Variants in MAF observed in about 807,000 individuals in gnomAD.
MAF encodes the protein MAF bZIP transcription factor.
Under a neutral mutation model 22.0 loss-of-function variants are expected in MAF, and 10 were observed. The observed-to-expected ratio is 0.45, with a 90% CI of 0.28 to 0.77. The LOEUF is 0.77. Ranked by LOEUF, MAF falls within the 30% of genes least tolerant of loss-of-function variation. MAF has a pLI of 0.12. For synonymous variants in MAF, 337 were observed against 255.8 expected (o/e 1.32, Z -3.03); for missense variants, 544 against 548.4 (o/e 0.99, Z 0.08).
At chr16:79,221,711 GTGTA>G in the MAF span, among the ~76,000 whole-genome samples, 2 of 151,896 alleles carry the variant, frequency 1.3e-5, no homozygotes, top group Non-Finnish European at 2.9e-5. Flanking sequence ...GTATGTGATT[GTGTA>G]TGTGTGTGTG....
chr16:79,254,812 C>G, the MAF span, among the ~76,000 whole-genome samples: 25,677 of 152,144 alleles, frequency 0.17, 4,013 homozygotes, highest in African/African-American at 0.41. Flanking sequence ...TACGCACCAA[C>G]CTTTTGTTTC....
At chr16:79,574,625 G>C in the MAF span, among the ~76,000 whole-genome samples, 1 of 152,116 alleles carries the variant, frequency 6.6e-6, no homozygotes, top group Non-Finnish European at 1.5e-5. Flanking sequence ...AAAGAGAAGA[G>C]TGAGACTCAG....
At chr16:79,308,475 T>C in the MAF span, among the ~76,000 whole-genome samples, 4 of 151,650 alleles carry the variant, frequency 2.6e-5, no homozygotes, top group Admixed American at 2.0e-4. Flanking sequence ...AAAATGGGGG[T>C]GAAAAGGTAT....
At chr16:79,233,932 C>G in the MAF span, among the ~76,000 whole-genome samples, 5 of 148,180 alleles carry the variant, frequency 3.4e-5, no homozygotes, top group Non-Finnish European at 7.4e-5. Context: ...GCGGAGGTTG[C>G]GGTGAGCCGA....
At position 79,593,843 on chromosome 16, in the gene MAF, T is replaced by A. The variant is rs1913332145; in HGVS notation, c.*617A>T. On this transcript the variant is annotated 3_prime_UTR_variant, in exon 2 of 2. Transcript: ENST00000326043. ...AAAAAATCACACAGAGGGTGTGTAT[T>A]TAACTAACTTTGTATTTTGCCACAC... is the stretch of plus-strand genomic sequence containing the variant. 1 of 181,886 alleles carries A rather than the reference T, an allele frequency of 5.5e-6. No homozygotes were observed. The highest frequency in any genetic ancestry group is 1.2e-5 in the Non-Finnish European group (1 of 85,352). The allele number at this position is 181,886 out of a possible 1,614,324, so 11.3% of individuals were successfully genotyped here.
At chr16:79,464,200 T>C in the MAF span, among the ~76,000 whole-genome samples, 2 of 152,172 alleles carry the variant, frequency 1.3e-5, no homozygotes, top group Non-Finnish European at 2.9e-5. Flanking sequence ...AATTTTGGAA[T>C]AGGAGTACAG....
At chr16:79,556,973 C>T in the MAF span, among the ~76,000 whole-genome samples, 1 of 130,986 alleles carries the variant, frequency 7.6e-6, no homozygotes, top group Middle Eastern at 3.8e-3. Context: ...ATACAACATA[C>T]AACAAGCTTT....
At chr16:79,295,968 T>G in the MAF span, among the ~76,000 whole-genome samples, 2 of 152,228 alleles carry the variant, frequency 1.3e-5, no homozygotes. Flanking sequence ...CCTCACCTCC[T>G]GCGGTCTGTA....
the MAF span, among the ~76,000 whole-genome samples, chr16:79,446,926 A>T: frequency 2.6e-5 from 4 of 152,028 alleles, no homozygotes; most frequent in Non-Finnish European, 1.5e-5. Flanking sequence ...AAGAAAAATT[A>T]AAAAAAAGAG....
the MAF span, among the ~76,000 whole-genome samples, chr16:79,420,351 G>GTGAACACAGTCACGTTTC: frequency 6.6e-6 from 1 of 152,184 alleles, no homozygotes; most frequent in East Asian, 1.9e-4. Flanking sequence ...AAAACAACGC[G>GTGAACACAGTCACGTTTC]TGAACACAGT....
the MAF span, among the ~76,000 whole-genome samples, chr16:79,370,414 T>C: frequency 6.6e-6 from 1 of 152,202 alleles, no homozygotes; most frequent in Non-Finnish European, 1.5e-5. Context: ...ACCTCTGGAC[T>C]CACAGAGGTT....
the MAF span, among the ~76,000 whole-genome samples, chr16:79,288,658 T>A: frequency 6.6e-6 from 1 of 152,210 alleles, no homozygotes; most frequent in East Asian, 1.9e-4. Flanking sequence ...AGTAGTGGAA[T>A]CTTACAGGTG....
chr16:79,527,367 G>C, the MAF span, among the ~76,000 whole-genome samples: 1 of 152,180 alleles, frequency 6.6e-6, no homozygotes, highest in Non-Finnish European at 1.5e-5. Context: ...AACTCCCCAA[G>C]TGACAAAAAT....
the MAF span, among the ~76,000 whole-genome samples, chr16:79,478,937 C>G: frequency 6.6e-6 from 1 of 152,046 alleles, no homozygotes; most frequent in Non-Finnish European, 1.5e-5. Context: ...TGTGTACCAC[C>G]CCAGCACACC....
At chr16:79,347,347 G>A in the MAF span, among the ~76,000 whole-genome samples, 1 of 152,162 alleles carries the variant, frequency 6.6e-6, no homozygotes, top group African/African-American at 2.4e-5. Context: ...TAGTGAGTGG[G>A]TCACAGACAG....
chr16:79,494,635 T>G, the MAF span, among the ~76,000 whole-genome samples: 1 of 152,176 alleles, frequency 6.6e-6, no homozygotes, highest in Non-Finnish European at 1.5e-5. Context: ...CTCCACATAG[T>G]ACTCACACCA....
At chr16:79,279,445 C>T in the MAF span, among the ~76,000 whole-genome samples, 1 of 152,218 alleles carries the variant, frequency 6.6e-6, no homozygotes, top group Non-Finnish European at 1.5e-5. Context: ...TGAACGCACA[C>T]TCCATGGACT....
At chr16:79,204,393 C>T in the MAF span, 1 of 152,144 alleles carries the variant, frequency 6.6e-6, no homozygotes, top group Non-Finnish European at 1.5e-5. Flanking sequence ...GAAGCCGTTT[C>T]TTTTTCCTTC....
At chr16:79,221,155 G>T in the MAF span, among the ~76,000 whole-genome samples, 1 of 152,220 alleles carries the variant, frequency 6.6e-6, no homozygotes, top group African/African-American at 2.4e-5. Flanking sequence ...GAAATGTTCA[G>T]AATTCTTTGC....
Sources: gnomAD v4.1 joint callset for allele counts (sites outside exome capture counted in the v4.1 genomes callset) on GRCh38, gnomAD v4.1.1 for gene constraint, MANE v1.5 for transcripts, NCBI Gene and HGNC (gene_info 2026-07-23, HGNC 2026-07-21) for gene names.